The following CACNA1C variants were observed in gnomAD, a reference collection of about 807,000 sequenced individuals.
The protein encoded by CACNA1C is calcium voltage-gated channel subunit alpha1 C.
In CACNA1C, 30 loss-of-function variants were observed where a neutral mutation model predicts 229.0. That is an observed-to-expected ratio of 0.13 (90% CI 0.10 to 0.18). The LOEUF (loss-of-function observed/expected upper bound fraction) is 0.18. CACNA1C is among the 10% of genes least tolerant of loss of function. CACNA1C has a pLI of 1.00. For synonymous variants in CACNA1C, 1,114 were observed against 1,132.5 expected, an observed-to-expected ratio of 0.98 and a Z score of 0.33; for missense variants, 1,658 against 2,845.0, an observed-to-expected ratio of 0.58 and a Z score of 9.49.
Position 2,354,119 on chromosome 12 carries a change from G to C in CACNA1C, c.478-94857G>C, listed in dbSNP as rs1413296665. 1.3e-5 allele frequency among the ~76,000 whole-genome samples: 2 copies of C among 152,186 alleles called. No homozygotes were observed. The highest frequency in any genetic ancestry group is 4.8e-5 in the African/African-American group (2 of 41,442). On this transcript the variant is annotated intron_variant, in intron 3 of 46. Coordinates refer to ENST00000399655, the MANE Select transcript of CACNA1C (RefSeq NM_000719.7). This position sits in a 1 kb window ranked among gnomAD's most constrained non-coding sequence, Gnocchi z 4.6. Reference sequence around the variant, plus strand: ...TTGCTCTGAAATGCTGATGGGGATGGAGTGGGGGCTGTCGGGAAGGACTGG... The same window carrying C: ...TTGCTCTGAAATGCTGATGGGGATGCAGTGGGGGCTGTCGGGAAGGACTGG...
chr12:2,610,448 G>A, intron 27 of CACNA1C, 93 bp from the exon 28 acceptor site: 1 of 1,308,020 alleles, frequency 7.6e-7, no homozygotes, highest in Non-Finnish European at 1.1e-6. Context: ...CCCACAGTGT[G>A]TGGTCTCATC....
intron 3 of CACNA1C, among the ~76,000 whole-genome samples, chr12:2,424,135 G>A (rs534544856): frequency 4.6e-5 from 7 of 152,332 alleles, no homozygotes; most frequent in South Asian, 2.1e-4. Flanking sequence ...CGTCTTCAGC[G>A]CCACAAGCTG....
intron 9 of CACNA1C, among the ~76,000 whole-genome samples, chr12:2,527,092 G>GA (rs1192611992): frequency 6.6e-6 from 1 of 152,170 alleles, no homozygotes; most frequent in Admixed American, 6.5e-5. Context: ...AGGATATTAA[G>GA]ACATTTTAAA....
At chr12:2,332,845 C>T (rs2096587359) in intron 3 of CACNA1C, among the ~76,000 whole-genome samples, 2 of 152,276 alleles carry the variant, frequency 1.3e-5, no homozygotes, top group Admixed American at 1.3e-4. Flanking sequence ...AGAAAGTAAG[C>T]CAAAATGTGG....
At chr12:2,252,747 C>A (rs1388669024) in intron 3 of CACNA1C, among the ~76,000 whole-genome samples, 1 of 152,156 alleles carries the variant, frequency 6.6e-6, no homozygotes, top group Non-Finnish European at 1.5e-5. Flanking sequence ...TTAGGTCAAA[C>A]CCCTTCTTTC....
At chr12:2,031,803 C>G (rs769231526) in intron 1 of CACNA1C, among the ~76,000 whole-genome samples, 2 of 152,156 alleles carry the variant, frequency 1.3e-5, no homozygotes, top group Non-Finnish European at 2.9e-5. Flanking sequence ...TTCTCCAAGT[C>G]CTGCTCAATC....
chr12:2,630,668 C>T lies in CACNA1C; in HGVS notation c.3829-3629C>T, dbSNP rs2089966713. Among the ~76,000 whole-genome samples, 1 of 152,186 alleles carries T rather than the reference C, an allele frequency of 6.6e-6. No individual in the cohort carries two copies. Among genetic ancestry groups the T allele is most frequent in the Admixed American group, 6.5e-5 (1 of 15,290 alleles). On this transcript the variant is annotated intron_variant, in intron 29 of 46. Transcript: ENST00000399655. This position sits in a 1 kb window ranked among gnomAD's most constrained non-coding sequence, Gnocchi z 5.4. ...TGAAGAGCTGCCTCTTAAAGGGACC[C>T]TGTTTGTGCCCAGACATGTACCCTC...
intron 9 of CACNA1C, chr12:2,547,428 CTGACCATCTTGTCTG>C (rs1173786136): frequency 1.3e-6 from 1 of 779,456 alleles, no homozygotes; most frequent in Admixed American, 1.7e-5. Flanking sequence ...GTTCTTGACA[CTGACCATCTTGTCTG>C]TGAAAGGAGG....
At chr12:2,100,008 C>T (rs543184037) in intron 1 of CACNA1C, among the ~76,000 whole-genome samples, 54 of 152,334 alleles carry the variant, frequency 3.5e-4, no homozygotes, top group African/African-American at 1.3e-3. Flanking sequence ...GACAGAGGCT[C>T]GAATTTGGAT....
At chr12:2,513,193 C>T (rs1369987229) in intron 9 of CACNA1C, among the ~76,000 whole-genome samples, 1 of 152,260 alleles carries the variant, frequency 6.6e-6, no homozygotes, top group African/African-American at 2.4e-5. Context: ...TAGAAAACCT[C>T]ATGCTCCTTT....
At chr12:2,232,933 A>G (rs2065897310) in intron 3 of CACNA1C, among the ~76,000 whole-genome samples, 1 of 152,108 alleles carries the variant, frequency 6.6e-6, no homozygotes, top group Admixed American at 6.5e-5. Flanking sequence ...ACATACCCCC[A>G]ACCTTTCTCA....
At position 2,608,512 on chromosome 12, in the gene CACNA1C, C is replaced by G; in HGVS notation, c.3358C>G (p.Leu1120Val). 1.2e-6 allele frequency: 2 copies of G among 1,606,954 alleles called. No homozygotes were observed. The highest frequency in any genetic ancestry group is 1.7e-6 in the Non-Finnish European group (2 of 1,176,134). ...TVSTFEGWPE[L>V]LYRSIDSHTE... is the part of the protein sequence containing the mutation. Reference sequence around the variant, plus strand: ...TGTGGGACCTGTCTCCTCCTGCAGGCTGCTGTACCGCTCCATCGACTCCCA... The same window carrying G: ...TGTGGGACCTGTCTCCTCCTGCAGGGTGCTGTACCGCTCCATCGACTCCCA... Residue 1120 changes from leucine (L) to valine (V), a missense_variant and splice_region_variant, in exon 27 of 47, where the codon CTG becomes GTG. By Grantham distance (32) the Leu-to-Val change is conservative. Coordinates refer to ENST00000399655, the MANE Select transcript of CACNA1C (RefSeq NM_000719.7). The surrounding 1 kb of genome is among the most constrained non-coding windows in gnomAD (Gnocchi z 4.2).
At chr12:2,489,687 T>C (rs559274605) in intron 6 of CACNA1C, among the ~76,000 whole-genome samples, 1 of 152,356 alleles carries the variant, frequency 6.6e-6, no homozygotes, top group African/African-American at 2.4e-5. Flanking sequence ...AATTGATTTT[T>C]GTCTTCAGTG....
intron 3 of CACNA1C, among the ~76,000 whole-genome samples, chr12:2,388,169 CAG>C (rs1311338280): frequency 6.6e-6 from 1 of 152,198 alleles, no homozygotes; most frequent in Non-Finnish European, 1.5e-5. Context: ...TCAAAGTATA[CAG>C]AGTTTCTGTT....
In CACNA1C at chr12:2,504,602, C is replaced by T. The variant is rs974503055; in HGVS notation, c.1114-240C>T. On this transcript the variant is annotated intron_variant, in intron 7 of 46. Coordinates refer to ENST00000399655, the MANE Select transcript of CACNA1C (RefSeq NM_000719.7). The surrounding 1 kb of genome is among the most constrained non-coding windows in gnomAD (Gnocchi z 6.8). ...CCGAGCAAGGTCTCAGGTTCCACTC[C>T]GTACATGCCCGGGGTCCTCAGGGAT... 6.1e-6 allele frequency: 6 copies of T among 988,302 alleles called. No individual in the cohort carries two copies. The highest frequency in any genetic ancestry group is 2.4e-5 in the East Asian group (1 of 41,978). 61.2% of individuals were successfully genotyped at this position (988,302 alleles called of 1,614,324 possible). A position where few individuals can be genotyped will look rare whatever the true frequency, so the allele number is the denominator to read the frequency against.
intron 20 of CACNA1C, 75 bp downstream of exon 20, chr12:2,596,078 C>A (rs1285670718): frequency 1.4e-6 from 2 of 1,429,630 alleles, no homozygotes; most frequent in South Asian, 1.4e-5. Context: ...TTGCTGACAT[C>A]ATTGTTCAAT....
chr12:2,324,934 C>T (rs1166771851), intron 3 of CACNA1C, among the ~76,000 whole-genome samples: 1 of 152,156 alleles, frequency 6.6e-6, no homozygotes, highest in Admixed American at 6.5e-5. Flanking sequence ...TTACTGTTGC[C>T]TGGCGAGGAG....
At chr12:2,289,538 G>A (rs1164629202) in intron 3 of CACNA1C, among the ~76,000 whole-genome samples, 1 of 152,172 alleles carries the variant, frequency 6.6e-6, no homozygotes, top group Admixed American at 6.5e-5. Context: ...GATTTGTACA[G>A]TGGAAATTCA....
At chr12:2,505,146 G>A (rs1324781242) in intron 8 of CACNA1C, among the ~76,000 whole-genome samples, 7 of 152,034 alleles carry the variant, frequency 4.6e-5, no homozygotes, top group Admixed American at 3.3e-4. Flanking sequence ...CAATGGAGGA[G>A]AGCTGGCTTC....
Sources: allele counts gnomAD v4.1 joint callset (sites outside exome capture counted in the v4.1 genomes callset), GRCh38; gene constraint gnomAD v4.1.1; non-coding constraint Gnocchi (gnomAD v3.1); transcripts MANE v1.5; gene names NCBI Gene and HGNC (gene_info 2026-07-23, HGNC 2026-07-21).